The following CFAP77 variants were observed in gnomAD, a reference collection of about 807,000 sequenced individuals.
CFAP77 encodes cilia- and flagella-associated protein 77.
Under a neutral mutation model 31.1 loss-of-function variants are expected in CFAP77, and 25 were observed. That is an observed-to-expected ratio of 0.80 (90% CI 0.59 to 1.12). CFAP77 has a LOEUF of 1.12. CFAP77 is among the 50% of genes most tolerant of loss of function. The pLI is 0.00. For missense variants in CFAP77, 377 were observed against 397.3 expected (o/e 0.95, Z 0.44); for synonymous variants, 151 against 159.9 (o/e 0.94, Z 0.42).
At chr9:132,561,604 TACACACACACACACACACACACAC>T (rs61039438) in intron 5 of CFAP77, among the ~76,000 whole-genome samples, 57 of 111,580 alleles carry the variant, frequency 5.1e-4, no homozygotes, top group African/African-American at 1.3e-3. Context: ...GAGGTGCATG[TACACACACACACACACACACACAC>T]ACACACACAC....
intron 1 of CFAP77, among the ~76,000 whole-genome samples, chr9:132,446,061 G>A (rs1033266981): frequency 2.0e-5 from 3 of 152,106 alleles, no homozygotes; most frequent in Admixed American, 6.5e-5. Context: ...TTATGTAGCT[G>A]TTCCAATTAT....
intron 3 of CFAP77, among the ~76,000 whole-genome samples, chr9:132,535,711 C>CAATA (rs34927880): frequency 0.084 from 12,357 of 147,976 alleles, 611 homozygotes; most frequent in African/African-American, 0.15. Context: ...GACTCCACCT[C>CAATA]AATAAATAAA....
chr9:132,486,094 T>C (rs1489979900), intron 1 of CFAP77, among the ~76,000 whole-genome samples: 1 of 75,494 alleles, frequency 1.3e-5, no homozygotes, highest in Non-Finnish European at 2.3e-5. Flanking sequence ...ATATATATTT[T>C]TTTTTTTTTT....
At chr9:132,462,289 G>T (rs1002188863) in intron 1 of CFAP77, among the ~76,000 whole-genome samples, 3 of 151,868 alleles carry the variant, frequency 2.0e-5, no homozygotes, top group Non-Finnish European at 4.4e-5. Context: ...TTCTAAGTAC[G>T]TGCAAGTGGT....
At chr9:132,540,526 A>C (rs144286580) in intron 4 of CFAP77, among the ~76,000 whole-genome samples, 1 of 152,328 alleles carries the variant, frequency 6.6e-6, no homozygotes, top group East Asian at 1.9e-4. Flanking sequence ...CTCATGGCTG[A>C]GGGCCCTATC....
chr9:132,426,072 C>G (rs1015941346), intron 1 of CFAP77, among the ~76,000 whole-genome samples: 1 of 152,192 alleles, frequency 6.6e-6, no homozygotes, highest in Non-Finnish European at 1.5e-5. Flanking sequence ...CCGCCCGCCT[C>G]CCCGAGCTTC....
intron 3 of CFAP77, among the ~76,000 whole-genome samples, chr9:132,537,375 T>G (rs1852561252): frequency 6.6e-6 from 1 of 152,114 alleles, no homozygotes; most frequent in Non-Finnish European, 1.5e-5. Flanking sequence ...CTCTAACGTC[T>G]GGTCAAGGAG....
At position 132,498,788 on chromosome 9, in the gene CFAP77, C is replaced by T. The variant is rs746074852; in HGVS notation, c.289C>T (p.Pro97Ser). The change falls in exon 2 of 6, where the codon CCT becomes TCT. Residue 97 changes from proline to serine, a missense_variant. Pro to Ser is a moderately conservative substitution (Grantham distance 74). Transcript: ENST00000393216. This position sits in a 1 kb window ranked among gnomAD's most constrained non-coding sequence, Gnocchi z 4.2. ...CATCCGAGGGCTTGACGGAGGAGTC[C>T]CTGAAGGTGAGCGAGCAGCTTTGGA... ...LYIRGLDGGV[P>S]EAIGRWNVFK... The T allele has an allele frequency of 6.2e-7, 1 of 1,606,826 alleles. No homozygotes were observed. Among genetic ancestry groups the T allele is most frequent in the East Asian group, 2.2e-5 (1 of 44,786 alleles).
At chr9:132,453,652 A>G (rs1850868231) in intron 1 of CFAP77, among the ~76,000 whole-genome samples, 1 of 152,242 alleles carries the variant, frequency 6.6e-6, no homozygotes. Flanking sequence ...TGTTTTCATA[A>G]AAAGGGCTTC....
chr9:132,442,020 G>C (rs1246931368), intron 1 of CFAP77, among the ~76,000 whole-genome samples: 1 of 152,210 alleles, frequency 6.6e-6, no homozygotes, highest in Non-Finnish European at 1.5e-5. Flanking sequence ...AGGTTCAGTT[G>C]TACACTGTTC....
In CFAP77 at chr9:132,501,461, C is replaced by T. The variant is rs1851841652; in HGVS notation, c.524+1861C>T. ...TCCCCCAGGCTGGAGTGCAGTGGCG[C>T]AGTCTCAGCTCACTGCAACCTCTGT... is the stretch of plus-strand genomic sequence containing the variant. On this transcript the variant is annotated intron_variant, in intron 3 of 5. Transcript: ENST00000393216. The surrounding 1 kb of genome is among the most constrained non-coding windows in gnomAD (Gnocchi z 4.6). Among the ~76,000 whole-genome samples the T allele has an allele frequency of 6.6e-6, 1 of 151,318 alleles. No homozygotes were observed. The highest frequency in any genetic ancestry group is 2.1e-4 in the South Asian group (1 of 4,798).
chr9:132,451,602 TCTCTC>T (rs1479251263), intron 1 of CFAP77, among the ~76,000 whole-genome samples: 1 of 152,008 alleles, frequency 6.6e-6, no homozygotes, highest in Non-Finnish European at 1.5e-5. Context: ...ACTCCATAGT[TCTCTC>T]CTCTTCATTG....
intron 5 of CFAP77, among the ~76,000 whole-genome samples, chr9:132,553,731 C>T (rs931049885): frequency 4.6e-5 from 7 of 152,218 alleles, no homozygotes; most frequent in South Asian, 2.1e-4. Flanking sequence ...CAACAGTGGA[C>T]GGCCTAGGCT....
At chr9:132,428,685 G>A (rs1044937776) in intron 1 of CFAP77, among the ~76,000 whole-genome samples, 2 of 152,114 alleles carry the variant, frequency 1.3e-5, no homozygotes, top group African/African-American at 4.8e-5. Context: ...TGGAAATGAG[G>A]TTCCTTCCAA....
In CFAP77 at chr9:132,499,308, CA is replaced by C; in HGVS notation, c.296-63del. 2 of 1,464,790 alleles carry C rather than the reference CA, an allele frequency of 1.4e-6. No homozygotes were observed. The highest frequency in any genetic ancestry group is 1.9e-6 in the Non-Finnish European group (2 of 1,058,690). 90.7% of individuals were successfully genotyped at this position (1,464,790 alleles called of 1,614,324 possible). A position where few individuals can be genotyped will look rare whatever the true frequency, so the allele number is the denominator to read the frequency against. On this transcript the variant is annotated intron_variant, in intron 2 of 5. Transcript: ENST00000393216. This position sits in a 1 kb window ranked among gnomAD's most constrained non-coding sequence, Gnocchi z 5.4. ...CCGCGTGCCCCCATTTCTTCTCGAT[CA>C]GCTGCCTCAGGGTGCTTACTCCCAG...
intron 1 of CFAP77, among the ~76,000 whole-genome samples, chr9:132,440,379 C>T (rs191769498): frequency 1.1e-4 from 16 of 152,172 alleles, no homozygotes; most frequent in African/African-American, 3.6e-4. Flanking sequence ...AAACAACTCA[C>T]ATTGACCGAA....
At position 132,448,903 on chromosome 9, in the gene CFAP77, A is replaced by T. The variant is rs191212046; in HGVS notation, c.195+38437A>T. Among the ~76,000 whole-genome samples, 412 of 152,212 alleles carry T rather than the reference A, an allele frequency of 2.7e-3. 2 individuals carry two copies. The highest frequency in any genetic ancestry group is 9.6e-3 in the African/African-American group (399 of 41,560). ...TGCCTGCCTGAAGCCTCTGTTTATT[A>T]TGAGCAGTCGGGGAGTGGAGATACA... is the stretch of plus-strand genomic sequence containing the variant. On this transcript the variant is annotated intron_variant, in intron 1 of 5. Coordinates refer to ENST00000393216, the MANE Select transcript of CFAP77 (RefSeq NM_001282957.2).
intron 1 of CFAP77, among the ~76,000 whole-genome samples, chr9:132,442,643 A>G (rs1850631161): frequency 6.6e-6 from 1 of 152,146 alleles, no homozygotes. Flanking sequence ...ACTTGGAGAT[A>G]ATCATGCCCA....
At chr9:132,428,453 A>G (rs1350451227) in intron 1 of CFAP77, among the ~76,000 whole-genome samples, 1 of 152,038 alleles carries the variant, frequency 6.6e-6, no homozygotes, top group Admixed American at 6.5e-5. Context: ...ATCTCTACTA[A>G]AAATACAAAA....
Sources: allele counts gnomAD v4.1 joint callset (sites outside exome capture counted in the v4.1 genomes callset), GRCh38; gene constraint gnomAD v4.1.1; non-coding constraint Gnocchi (gnomAD v3.1); transcripts MANE v1.5; gene names NCBI Gene and HGNC (gene_info 2026-07-23, HGNC 2026-07-21).